Variants in NMBR observed in about 807,000 individuals in gnomAD.
The protein encoded by NMBR is neuromedin B receptor, also known as neuromedin-B receptor.
A neutral mutation model predicts 20.5 loss-of-function variants in NMBR; 16 were observed. The observed-to-expected ratio is 0.78, with a 90% CI of 0.53 to 1.19. NMBR has a LOEUF of 1.19. NMBR is among the 50% of genes most tolerant of loss of function. The pLI is 0.00. For synonymous variants in NMBR, 212 were observed against 196.6 expected, an observed-to-expected ratio of 1.08 and a Z score of -0.65; for missense variants, 582 against 499.1, an observed-to-expected ratio of 1.17 and a Z score of -1.58.
At chr6:142,100,287 T>C (rs1047283958) in intron 1 of NMBR, among the ~76,000 whole-genome samples, 2 of 141,668 alleles carry the variant, frequency 1.4e-5, no homozygotes, top group Non-Finnish European at 3.1e-5. Context: ...TTATTCATAA[T>C]TGCTAAAAGT....
chr6:142,118,714 A>T (rs1312821750), intron 1 of NMBR, among the ~76,000 whole-genome samples: 2 of 152,068 alleles, frequency 1.3e-5, no homozygotes. Context: ...TAAGAAACCC[A>T]TGGAAGGAAG....
intron 1 of NMBR, chr6:142,133,147 A>G: frequency 3.0e-6 from 2 of 670,930 alleles, no homozygotes; most frequent in Non-Finnish European, 2.7e-6. Flanking sequence ...CCAGGATAAC[A>G]TCTCCTGAGA....
At chr6:142,136,768 T>C (rs377691805) in intron 1 of NMBR, among the ~76,000 whole-genome samples, 6 of 151,962 alleles carry the variant, frequency 3.9e-5, no homozygotes, top group South Asian at 2.1e-4. Flanking sequence ...TTCCCCATTG[T>C]TTGTTTTTCT....
intron 3 of NMBR, among the ~76,000 whole-genome samples, chr6:142,078,155 T>C (rs1243683359): frequency 6.6e-6 from 1 of 152,204 alleles, no homozygotes; most frequent in Non-Finnish European, 1.5e-5. Flanking sequence ...TCCTGATGCA[T>C]CCTTCTTCTA....
intron 1 of NMBR, among the ~76,000 whole-genome samples, chr6:142,097,491 T>G (rs545450008): frequency 6.2e-4 from 95 of 152,234 alleles, no homozygotes; most frequent in Non-Finnish European, 1.2e-3. Flanking sequence ...CAAAAAATCA[T>G]AAGTCAAATC....
chr6:142,125,511 A>ATG (rs1272599578), intron 1 of NMBR, among the ~76,000 whole-genome samples: 114 of 63,778 alleles, frequency 1.8e-3, no homozygotes, highest in Non-Finnish European at 2.6e-3. Flanking sequence ...ACATATACAT[A>ATG]CATACACAAT....
At chr6:142,097,585 A>G (rs886805270) in intron 1 of NMBR, among the ~76,000 whole-genome samples, 6 of 152,138 alleles carry the variant, frequency 3.9e-5, no homozygotes, top group Admixed American at 3.3e-4. Context: ...TGTAAGTTGC[A>G]CTATTGTAAA....
chr6:142,110,398 G>T (rs1582851595), intron 1 of NMBR, among the ~76,000 whole-genome samples: 1 of 152,188 alleles, frequency 6.6e-6, no homozygotes, highest in South Asian at 2.1e-4. Flanking sequence ...CATTAAAAAA[G>T]AATCAATAAG....
chr6:142,100,453 C>A (rs1554213179), intron 1 of NMBR, among the ~76,000 whole-genome samples: 1 of 152,160 alleles, frequency 6.6e-6, no homozygotes, highest in Non-Finnish European at 1.5e-5. Flanking sequence ...CTAAGTCAAT[C>A]TGAAAAGGCT....
chr6:142,138,879 T>C (rs1778317433), intron 1 of NMBR, among the ~76,000 whole-genome samples: 2 of 152,196 alleles, frequency 1.3e-5, no homozygotes, highest in African/African-American at 4.8e-5. Context: ...GTTAAGTTAC[T>C]TGGAAACAGA....
chr6:142,084,216 A>G (rs1177656772), intron 2 of NMBR, among the ~76,000 whole-genome samples: 2 of 152,230 alleles, frequency 1.3e-5, no homozygotes, highest in Non-Finnish European at 2.9e-5. Context: ...CAGTATCTTA[A>G]CAAATAATTA....
At chr6:142,134,766 G>A (rs1257860793) in intron 1 of NMBR, 2 of 689,524 alleles carry the variant, frequency 2.9e-6, no homozygotes, top group East Asian at 2.7e-5. Context: ...GATCTCTTGG[G>A]GAAAACATGA....
chr6:142,133,712 T>A (rs752332945), intron 1 of NMBR: 31 of 466,668 alleles, frequency 6.6e-5, no homozygotes, highest in Non-Finnish European at 8.7e-5. Flanking sequence ...TATATTTGAT[T>A]TGATGATCTC....
Position 142,117,891 on chromosome 6 carries a change from GA to G in NMBR, c.-663-28571del, listed in dbSNP as rs533214992. Among the ~76,000 whole-genome samples, 240 of 151,876 alleles carry G rather than the reference GA, an allele frequency of 1.6e-3. No individual in the cohort carries two copies. In the Middle Eastern group the frequency reaches 0.02, roughly 13 times the overall value. ...ACAATTTATCATTACATCCAACATT[GA>G]AAAATGATAACAAAGTGATGACTTA... On this transcript the variant is annotated intron_variant, in intron 1 of 3. Coordinates refer to ENST00000258042, the MANE Select transcript of NMBR (RefSeq NM_002511.4).
intron 2 of NMBR, among the ~76,000 whole-genome samples, chr6:142,083,864 G>A (rs964691701): frequency 5.9e-5 from 9 of 152,058 alleles, no homozygotes; most frequent in African/African-American, 1.2e-4. Flanking sequence ...TTATAGCAGC[G>A]TGAGTAATAC....
intron 1 of NMBR, among the ~76,000 whole-genome samples, chr6:142,136,993 C>T (rs1376835977): frequency 2.0e-5 from 3 of 151,986 alleles, no homozygotes; most frequent in African/African-American, 4.8e-5. Flanking sequence ...TTTTTTGGTT[C>T]CATATGAATT....
intron 1 of NMBR, among the ~76,000 whole-genome samples, chr6:142,112,124 C>T (rs1582852284): frequency 6.6e-6 from 1 of 152,026 alleles, no homozygotes; most frequent in East Asian, 1.9e-4. Flanking sequence ...GCTGGGAGTT[C>T]GAGACCAGCA....
At chr6:142,111,756 C>T (rs906778808) in intron 1 of NMBR, among the ~76,000 whole-genome samples, 3 of 152,120 alleles carry the variant, frequency 2.0e-5, no homozygotes, top group Non-Finnish European at 2.9e-5. Context: ...GACCAGAGAA[C>T]GTGCATCAGT....
In NMBR at chr6:142,075,193, G is replaced by A. The variant is rs1342606829; in HGVS notation, c.*455C>T. On this transcript the variant is annotated 3_prime_UTR_variant, in exon 4 of 4. Coordinates refer to ENST00000258042, the MANE Select transcript of NMBR (RefSeq NM_002511.4). Reference sequence around the variant, plus strand: ...CTGACTTGTATTTCAAATAATAGGAGTTTGAATATTACCCTCACTGAATCA... The same window carrying A: ...CTGACTTGTATTTCAAATAATAGGAATTTGAATATTACCCTCACTGAATCA... Among the ~76,000 whole-genome samples, 1 of 151,912 alleles carries A rather than the reference G, an allele frequency of 6.6e-6. No homozygotes were observed. Among genetic ancestry groups the A allele is most frequent in the East Asian group, 1.9e-4 (1 of 5,178 alleles).
Sources: allele counts gnomAD v4.1 joint callset (sites outside exome capture counted in the v4.1 genomes callset), GRCh38; gene constraint gnomAD v4.1.1; transcripts MANE v1.5; gene names NCBI Gene and HGNC (gene_info 2026-07-23, HGNC 2026-07-21).